Variants in RBFOX1 observed in about 807,000 individuals in gnomAD.
RBFOX1 encodes RNA binding fox-1 homolog 1, also known as RNA binding protein fox-1 homolog 1.
In RBFOX1, 8 loss-of-function variants were observed where a neutral mutation model predicts 57.7. The observed-to-expected ratio is 0.14, with a 90% CI of 0.08 to 0.25. The LOEUF is 0.25. Among genes scored for constraint, RBFOX1 ranks in the 10% least tolerant of loss-of-function variants. The pLI, the probability that RBFOX1 is intolerant of heterozygous loss-of-function variation, is 1.00. For missense variants in RBFOX1, 611 were observed against 548.5 expected, an observed-to-expected ratio of 1.11 and a Z score of -1.14; for synonymous variants, 326 against 222.4, an observed-to-expected ratio of 1.47 and a Z score of -4.15.
At chr16:6,335,173 C>T (rs918072706) in intron 2 of RBFOX1, among the ~76,000 whole-genome samples, 5 of 152,198 alleles carry the variant, frequency 3.3e-5, no homozygotes, top group Non-Finnish European at 2.9e-5. Flanking sequence ...ATGACACTCA[C>T]ACTGGAATGT....
chr16:7,326,263 C>T (rs918230910), intron 4 of RBFOX1, among the ~76,000 whole-genome samples: 1 of 152,148 alleles, frequency 6.6e-6, no homozygotes, highest in Non-Finnish European at 1.5e-5. Context: ...AGGCCTTTAC[C>T]ATCCCAGGGC....
chr16:7,368,794 A>AAT (rs2097514494), intron 4 of RBFOX1, among the ~76,000 whole-genome samples: 1 of 143,894 alleles, frequency 6.9e-6, no homozygotes, highest in Non-Finnish European at 1.5e-5. Context: ...AAAAAAAAAA[A>AAT]AATAAAAATA....
chr16:6,385,566 G>C (rs1291344679), intron 2 of RBFOX1, among the ~76,000 whole-genome samples: 1 of 152,154 alleles, frequency 6.6e-6, no homozygotes. Context: ...TACCATGTTG[G>C]CCAGGCTGGT....
At chr16:6,828,077 A>G (rs1324575675) in intron 3 of RBFOX1, among the ~76,000 whole-genome samples, 1 of 152,202 alleles carries the variant, frequency 6.6e-6, no homozygotes, top group African/African-American at 2.4e-5. Context: ...TCTAAGATGC[A>G]TGCAGTTATG....
intron 2 of RBFOX1, among the ~76,000 whole-genome samples, chr16:6,394,455 C>T (rs188433224): frequency 9.7e-4 from 147 of 151,826 alleles, no homozygotes; most frequent in Middle Eastern, 3.4e-3. Context: ...AAGAATATTG[C>T]TTCTTGCAAA....
intron 2 of RBFOX1, among the ~76,000 whole-genome samples, chr16:6,561,164 C>G (rs1196299838): frequency 6.6e-6 from 1 of 152,110 alleles, no homozygotes; most frequent in East Asian, 1.9e-4. Context: ...GAAGGCTTCC[C>G]TCCTTAAAAT....
rs1412479062 is a variant in RBFOX1 at position 7,034,848 on chromosome 16, C to CTTTTCTTTTTTTTTTTTTT, written c.-15-17205_-15-17204insCTTTTTTTTTTTTTTTTTT. Reference sequence around the variant, plus strand: ...ATTACTTTTTTTTTTTTTCTTTTTTCTTTTTTTTTTTTTTTTTTGAGATGG... The same window carrying CTTTTCTTTTTTTTTTTTTT: ...ATTACTTTTTTTTTTTTTCTTTTTTCTTTTCTTTTTTTTTTTTTTTTTTTTTTTTTTTTTTTTGAGATGG... On this transcript the variant is annotated intron_variant, in intron 3 of 15. Transcript: ENST00000550418. 3.2e-3 allele frequency among the ~76,000 whole-genome samples: 100 copies of CTTTTCTTTTTTTTTTTTTT among 30,832 alleles called. 8 individuals carry two copies. Among genetic ancestry groups the CTTTTCTTTTTTTTTTTTTT allele is most frequent in the African/African-American group, 6.3e-3 (36 of 5,750 alleles). 20.2% of individuals were successfully genotyped at this position (30,832 alleles called of 152,430 possible).
intron 3 of RBFOX1, among the ~76,000 whole-genome samples, chr16:7,006,551 G>C (rs189435034): frequency 1.8e-4 from 28 of 152,114 alleles, no homozygotes; most frequent in Admixed American, 8.5e-4. Context: ...CTGGGCTCAA[G>C]CAGTCCTCCC....
intron 3 of RBFOX1, among the ~76,000 whole-genome samples, chr16:6,762,770 G>C (rs953387308): frequency 1.3e-5 from 2 of 152,130 alleles, no homozygotes; most frequent in East Asian, 1.9e-4. Flanking sequence ...AAGGGGATAG[G>C]GGGTAGTCAG....
rs113522371 is a variant in RBFOX1 at position 5,675,218 on chromosome 16, GCA to G, written c.318+76271_318+76272del. On this transcript the variant is annotated intron_variant, in intron 3 of 19. Coordinates refer to the RBFOX1 transcript ENST00000641259. ...TCCACATGCACATGCATGTACTCAC[GCA>G]CACACACACACACGCACACCCACCC... is the stretch of plus-strand genomic sequence containing the variant. Among the ~76,000 whole-genome samples, 7 of 150,210 alleles carry G rather than the reference GCA, an allele frequency of 4.7e-5. No homozygotes were observed. The East Asian group carries it at 5.8e-4, about 13-fold the overall frequency.
At chr16:5,641,104 A>G (rs548051227) in intron 3 of RBFOX1, among the ~76,000 whole-genome samples, 1 of 149,722 alleles carries the variant, frequency 6.7e-6, no homozygotes, top group Non-Finnish European at 1.5e-5. Flanking sequence ...ATGCATACAC[A>G]TGCATACACA....
At chr16:7,370,032 C>T (rs1490582666) in intron 4 of RBFOX1, among the ~76,000 whole-genome samples, 2 of 152,218 alleles carry the variant, frequency 1.3e-5, no homozygotes, top group South Asian at 2.1e-4. Context: ...AAGTCAGCTT[C>T]TGAACCTTGA....
intron 1 of RBFOX1, among the ~76,000 whole-genome samples, chr16:6,121,007 A>G (rs1464902902): frequency 1.3e-5 from 2 of 152,170 alleles, no homozygotes; most frequent in Non-Finnish European, 2.9e-5. Context: ...ATCTTACATG[A>G]ATGCATTTTG....
At chr16:5,959,033 C>G (rs1478550593) in intron 4 of RBFOX1, among the ~76,000 whole-genome samples, 1 of 152,182 alleles carries the variant, frequency 6.6e-6, no homozygotes, top group Non-Finnish European at 1.5e-5. Flanking sequence ...GGAAGGAAGG[C>G]CATTATTCTG....
At chr16:7,012,139 C>T (rs950757468) in intron 3 of RBFOX1, among the ~76,000 whole-genome samples, 2 of 152,186 alleles carry the variant, frequency 1.3e-5, no homozygotes, top group Non-Finnish European at 2.9e-5. Context: ...CTAGAATAAT[C>T]ATAGGATGAG....
intron 3 of RBFOX1, among the ~76,000 whole-genome samples, chr16:7,026,516 ATC>A (rs1272911787): frequency 6.6e-6 from 1 of 150,774 alleles, no homozygotes; most frequent in Non-Finnish European, 1.5e-5. Context: ...CTCTGTTTCT[ATC>A]TCTCTCACAC....
intron 3 of RBFOX1, among the ~76,000 whole-genome samples, chr16:6,829,248 A>G (rs77703752): frequency 3.7e-5 from 1 of 26,966 alleles, no homozygotes; most frequent in East Asian, 1.3e-3. Context: ...TGCAGTCAGA[A>G]AAAAAAAAAA....
chr16:6,271,385 T>G (rs1332567000), intron 1 of RBFOX1, among the ~76,000 whole-genome samples: 1 of 152,170 alleles, frequency 6.6e-6, no homozygotes, highest in Non-Finnish European at 1.5e-5. Flanking sequence ...GAGTGACCAC[T>G]GCACTTCAGC....
intron 1 of RBFOX1, among the ~76,000 whole-genome samples, chr16:5,359,274 A>G (rs1268894761): frequency 2.0e-5 from 3 of 152,204 alleles, no homozygotes; most frequent in Non-Finnish European, 4.4e-5. Flanking sequence ...TGTACCTGGC[A>G]TGAGAGTGCA....
Sources: gnomAD v4.1 joint callset for allele counts (sites outside exome capture counted in the v4.1 genomes callset) on GRCh38, gnomAD v4.1.1 for gene constraint, MANE v1.5 for transcripts, NCBI Gene and HGNC (gene_info 2026-07-23, HGNC 2026-07-21) for gene names.